NACC2: variants seen among roughly 807,000 people sequenced by gnomAD.
The protein encoded by NACC2 is NACC family member 2.
NACC2 carries 8 observed loss-of-function variants against 25.1 expected under a neutral mutation model. The ratio of observed to expected loss-of-function variants is 0.32; its 90% CI spans 0.19 to 0.57. The LOEUF is 0.57. NACC2 is among the 20% of genes least tolerant of loss of function. The pLI is 0.89. For synonymous variants in NACC2, 435 were observed against 294.7 expected (o/e 1.48, Z -4.88); for missense variants, 644 against 650.2 (o/e 0.99, Z 0.10).
At chr9:136,080,258 C>T (rs4842108) in intron 1 of NACC2, among the ~76,000 whole-genome samples, 36,563 of 152,122 alleles carry the variant, frequency 0.24, 4,602 homozygotes, top group East Asian at 0.44. Flanking sequence ...GCAGGGCCCC[C>T]GCACCCATCT....
chr9:136,084,773 G>A lies in NACC2; in HGVS notation c.-60+10416C>T, dbSNP rs1211539555. ...GCAGCCTGGAGAAGGGACGGGCTCC[G>A]CCACTCCCTGCAACCCGGAGGAGCC... On this transcript the variant is annotated intron_variant, in intron 1 of 5. Transcript: ENST00000277554. This position sits in a 1 kb window ranked among gnomAD's most constrained non-coding sequence, Gnocchi z 5.1. Among the ~76,000 whole-genome samples, 2 of 152,230 alleles carry A rather than the reference G, an allele frequency of 1.3e-5. No individual in the cohort carries two copies. The highest frequency in any genetic ancestry group is 2.9e-5 in the Non-Finnish European group (2 of 68,048).
At chr9:136,021,350 C>G (rs926485695) in intron 2 of NACC2, among the ~76,000 whole-genome samples, 1 of 152,140 alleles carries the variant, frequency 6.6e-6, no homozygotes, top group African/African-American at 2.4e-5. Flanking sequence ...GTGCGGGAAA[C>G]GTAAAAACAC....
At chr9:136,068,665 A>G (rs1487676579) in intron 1 of NACC2, among the ~76,000 whole-genome samples, 2 of 151,770 alleles carry the variant, frequency 1.3e-5, no homozygotes, top group Non-Finnish European at 2.9e-5. Context: ...AAAAACCACT[A>G]AATTATACAG....
chr9:136,085,081 A>T, intron 1 of NACC2, among the ~76,000 whole-genome samples: 1 of 148,632 alleles, frequency 6.7e-6, no homozygotes, highest in South Asian at 2.2e-4. Flanking sequence ...TTAATCAGAA[A>T]GTTTTTAAAA....
intron 1 of NACC2, among the ~76,000 whole-genome samples, chr9:136,079,336 G>A (rs563458064): frequency 3.6e-4 from 55 of 152,308 alleles, no homozygotes; most frequent in Non-Finnish European, 5.9e-4. Flanking sequence ...CTGATGGAAC[G>A]GGGTGCCATC....
intron 1 of NACC2, among the ~76,000 whole-genome samples, chr9:136,094,577 C>T (rs1830467712): frequency 6.6e-6 from 1 of 152,148 alleles, no homozygotes; most frequent in Admixed American, 6.5e-5. Flanking sequence ...AGAGGCAGAG[C>T]CCCCTCCCCC....
intron 1 of NACC2, among the ~76,000 whole-genome samples, chr9:136,075,115 T>C (rs1250414389): frequency 6.6e-6 from 1 of 152,264 alleles, no homozygotes; most frequent in Non-Finnish European, 1.5e-5. Context: ...CAATGGCGGC[T>C]TCTGCTCCCT....
At chr9:136,082,275 C>T (rs1389881344) in intron 1 of NACC2, among the ~76,000 whole-genome samples, 1 of 152,238 alleles carries the variant, frequency 6.6e-6, no homozygotes, top group East Asian at 1.9e-4. Flanking sequence ...GGGCGGGGAG[C>T]CTCAGGTCCC....
Position 136,049,940 on chromosome 9 carries a change from C to A in NACC2, c.582G>T (p.Glu194Asp). 1 of 581,082 alleles carries A rather than the reference C, an allele frequency of 1.7e-6. No homozygotes were observed. The highest frequency in any genetic ancestry group is 3.4e-5 in the Admixed American group (1 of 29,512). The allele number at this position is 581,082 out of a possible 1,614,324, so 36.0% of individuals were successfully genotyped here. A position where few individuals can be genotyped will look rare whatever the true frequency, so the allele number is the denominator to read the frequency against. ...GPGLAPKRPL[E>D]TGPRDGVAVA... ...CCGCCACGCCGTCCCGGGGCCCCGT[C>A]TCCAGCGGGCGCTTGGGGGCCAGGC... Residue 194 changes from glutamate to aspartate, a missense_variant, in exon 2 of 6, where the codon GAG becomes GAT. By Grantham distance (45) the Glu-to-Asp change is conservative (BLOSUM62 2). Coordinates refer to ENST00000277554, the MANE Select transcript of NACC2 (RefSeq NM_144653.5).
chr9:136,045,374 T>C (rs1840706908), intron 2 of NACC2, among the ~76,000 whole-genome samples: 1 of 128,874 alleles, frequency 7.8e-6, no homozygotes, highest in Non-Finnish European at 1.8e-5. Context: ...CCACGGGCCC[T>C]GTGGCCAGAG....
Position 136,019,486 on chromosome 9 carries a change from C to T in NACC2, c.887-3057G>A, listed in dbSNP as rs1014307551. On this transcript the variant is annotated intron_variant, in intron 2 of 5. Transcript: ENST00000277554. The surrounding 1 kb of genome is among the most constrained non-coding windows in gnomAD (Gnocchi z 5.2). Reference sequence around the variant, plus strand: ...GTAGCAGAACTGCCACCTTCACCCTCGACAGCCCTGTGAAGAAACTCAGGT... The same window carrying T: ...GTAGCAGAACTGCCACCTTCACCCTTGACAGCCCTGTGAAGAAACTCAGGT... The T allele has an allele frequency of 5.2e-4, 79 of 152,424 alleles. No individual in the cohort carries two copies. The highest frequency in any genetic ancestry group is 1.5e-3 in the African/African-American group (64 of 41,588). The allele number at this position is 152,424 out of a possible 1,614,324, so 9.4% of individuals were successfully genotyped here.
Position 136,013,219 on chromosome 9 carries a change from C to G in NACC2, c.1235G>C (p.Arg412Pro), listed in dbSNP as rs200168413. 6.2e-7 allele frequency: 1 copy of G among 1,611,832 alleles called. No individual in the cohort carries two copies. The highest frequency in any genetic ancestry group is 8.5e-7 in the Non-Finnish European group (1 of 1,179,538). ...SDPSRKPLDSRVLNAVKLYCQ... is the reference protein window; with the variant it reads ...SDPSRKPLDSPVLNAVKLYCQ... ...CTTACATTTCACAGCGTTCAGGACCCGGCTGTCCAGCGGCTTCCGGCTGGG... is the reference window on the plus strand; with the variant it reads ...CTTACATTTCACAGCGTTCAGGACCGGGCTGTCCAGCGGCTTCCGGCTGGG... The change falls in exon 5 of 6, where the codon CGG (arginine) becomes CCG (proline). Residue 412 changes from arginine to proline, a missense_variant. Arg to Pro is a moderately radical substitution (Grantham distance 103). Coordinates refer to ENST00000277554, the MANE Select transcript of NACC2 (RefSeq NM_144653.5). The surrounding 1 kb of genome is among the most constrained non-coding windows in gnomAD (Gnocchi z 6.6).
chr9:136,080,822 C>G (rs1431273079), intron 1 of NACC2, among the ~76,000 whole-genome samples: 2 of 152,168 alleles, frequency 1.3e-5, no homozygotes, highest in African/African-American at 4.8e-5. Flanking sequence ...CGGCAGATGA[C>G]CACAGGCCGG....
At chr9:136,057,166 C>T (rs1272543787) in intron 1 of NACC2, among the ~76,000 whole-genome samples, 1 of 152,218 alleles carries the variant, frequency 6.6e-6, no homozygotes, top group Non-Finnish European at 1.5e-5. Flanking sequence ...GGTCCAGGGG[C>T]CTGTGTGACT....
rs755558133 is a variant in NACC2, at chr9:136,018,436, G to A, written c.887-2007C>T. On this transcript the variant is annotated intron_variant, in intron 2 of 5. Transcript: ENST00000277554. This position sits in a 1 kb window ranked among gnomAD's most constrained non-coding sequence, Gnocchi z 4.4. Reference sequence around the variant, plus strand: ...CCCACATCCTGAATCCACAGCGGGCGCCCCACTGAAGGCAGCAGGTGTTCC... The same window carrying A: ...CCCACATCCTGAATCCACAGCGGGCACCCCACTGAAGGCAGCAGGTGTTCC... 3.9e-5 allele frequency among the ~76,000 whole-genome samples: 6 copies of A among 152,010 alleles called. No individual in the cohort carries two copies. The highest frequency in any genetic ancestry group is 1.2e-4 in the African/African-American group (5 of 41,370).
chr9:136,063,280 C>G (rs1056592755), intron 1 of NACC2, among the ~76,000 whole-genome samples: 3 of 152,180 alleles, frequency 2.0e-5, no homozygotes, highest in African/African-American at 7.2e-5. Context: ...AGCGAGGGGG[C>G]CCTGGAGGCT....
At position 136,050,564 on chromosome 9, in the gene NACC2, G is replaced by A; in HGVS notation, c.-43C>T. The A allele has an allele frequency of 1.4e-6, 1 of 732,030 alleles. No homozygotes were observed. Among genetic ancestry groups the A allele is most frequent in the Admixed American group, 1.8e-5 (1 of 54,400 alleles). 45.3% of individuals were successfully genotyped at this position (732,030 alleles called of 1,614,324 possible). ...GGGGCTGGGCTCTCAGCGCGGGGCG[G>A]CCCTAGCGGGGCTCATCTGTGGGGG... On this transcript the variant is annotated 5_prime_UTR_variant, in exon 2 of 6. Coordinates refer to ENST00000277554, the MANE Select transcript of NACC2 (RefSeq NM_144653.5).
chr9:136,067,428 C>T (rs962505737), intron 1 of NACC2, among the ~76,000 whole-genome samples: 3 of 152,128 alleles, frequency 2.0e-5, no homozygotes, highest in Non-Finnish European at 2.9e-5. Flanking sequence ...TGAATACAGA[C>T]GTGTTGATTA....
intron 2 of NACC2, among the ~76,000 whole-genome samples, chr9:136,049,201 C>T (rs1271314224): frequency 2.0e-5 from 3 of 152,196 alleles, no homozygotes; most frequent in Non-Finnish European, 2.9e-5. Context: ...ATCCCTGGCG[C>T]GGGGCCTGGA....
Sources: gnomAD v4.1 joint callset for allele counts (sites outside exome capture counted in the v4.1 genomes callset) on GRCh38, gnomAD v4.1.1 for gene constraint, Gnocchi (gnomAD v3.1) non-coding constraint, MANE v1.5 for transcripts, NCBI Gene and HGNC (gene_info 2026-07-23, HGNC 2026-07-21) for gene names.